SSBP3: variants seen among roughly 807,000 people sequenced by gnomAD.
SSBP3 encodes the protein single-stranded DNA-binding protein 3.
Under a neutral mutation model 69.6 loss-of-function variants are expected in SSBP3, and 5 were observed. That is an observed-to-expected ratio of 0.07 (90% CI 0.04 to 0.15). The LOEUF (loss-of-function observed/expected upper bound fraction) is 0.15. Among genes scored for constraint, SSBP3 ranks in the 10% least tolerant of loss-of-function variants. SSBP3 has a pLI of 1.00. For missense variants in SSBP3, 312 were observed against 534.0 expected, an observed-to-expected ratio of 0.58 and a Z score of 4.10; for synonymous variants, 196 against 193.4, an observed-to-expected ratio of 1.01 and a Z score of -0.11.
chr1:54,355,350 T>C lies in SSBP3; in HGVS notation c.276+46511A>G, dbSNP rs564057873. ...ACAGGGAGATCTCCCCCAAATTTATTTTACTTATTTATTTTTTGAGACAGG... is the reference window on the plus strand; with the variant it reads ...ACAGGGAGATCTCCCCCAAATTTATCTTACTTATTTATTTTTTGAGACAGG... On this transcript the variant is annotated intron_variant, in intron 4 of 17. Coordinates refer to ENST00000610401, the Ensembl canonical transcript of SSBP3. 8.9e-4 allele frequency among the ~76,000 whole-genome samples: 135 copies of C among 152,068 alleles called. 2 individuals carry two copies. Among genetic ancestry groups the C allele is most frequent in the African/African-American group, 3.3e-3 (135 of 41,456 alleles).
At chr1:54,383,076 AAAAG>A (rs1443647662) in intron 4 of SSBP3, among the ~76,000 whole-genome samples, 1 of 146,562 alleles carries the variant, frequency 6.8e-6, no homozygotes, top group East Asian at 2.1e-4. Context: ...GAAAAGAAAG[AAAAG>A]AAAGAAGCCC....
At chr1:54,241,086 C>T in intron 12 of SSBP3, 127 bp from the exon 13 acceptor site, 1 of 1,017,196 alleles carries the variant, frequency 9.8e-7, no homozygotes, top group Non-Finnish European at 1.4e-6. Flanking sequence ...CATCTTGCTA[C>T]ACCCCCAGCG....
At chr1:54,243,354 G>C (rs1644675844) in intron 9 of SSBP3, 55 bp from the exon 10 acceptor site, 1 of 1,599,218 alleles carries the variant, frequency 6.3e-7, no homozygotes, top group Non-Finnish European at 8.6e-7. Context: ...GAGACAGGAG[G>C]AGGGAGGAGA....
chr1:54,409,953 C>A (rs369434593), upstream of SSBP3, among the ~76,000 whole-genome samples: 1 of 152,200 alleles, frequency 6.6e-6, no homozygotes, highest in Non-Finnish European at 1.5e-5. Context: ...CCTGGGCAGG[C>A]AGCATCTCCT....
rs1570071828 is a variant in SSBP3, at chr1:54,403,679, G to GACAGGAGACAGGACACACC, written c.191+878_191+896dup. On this transcript the variant is annotated intron_variant, in intron 3 of 17. Coordinates refer to ENST00000610401, the Ensembl canonical transcript of SSBP3. ...CAGATAAACCCGCTAAGATCCCAAC[G>GACAGGAGACAGGACACACC]ACAGGAGACAGGACACACCGTTTTG... Among the ~76,000 whole-genome samples the GACAGGAGACAGGACACACC allele has an allele frequency of 2.0e-5, 3 of 152,198 alleles. No homozygotes were observed. The East Asian group carries it at 5.8e-4, about 29-fold the overall frequency.
At chr1:54,232,744 C>T (rs945840414) in intron 14 of SSBP3, among the ~76,000 whole-genome samples, 6 of 152,120 alleles carry the variant, frequency 3.9e-5, no homozygotes, top group East Asian at 1.9e-4. Flanking sequence ...AGGCACGCGC[C>T]GCCACGCCTG....
upstream of SSBP3, among the ~76,000 whole-genome samples, chr1:54,409,589 G>A (rs1016698082): frequency 1.3e-5 from 2 of 152,040 alleles, no homozygotes; most frequent in African/African-American, 4.8e-5. Context: ...CAACAATAGG[G>A]TTAGATAAGG....
At chr1:54,355,197 T>A (rs531481534) in intron 4 of SSBP3, among the ~76,000 whole-genome samples, 14 of 152,204 alleles carry the variant, frequency 9.2e-5, no homozygotes, top group Non-Finnish European at 1.9e-4. Context: ...GACCAGGCAC[T>A]CTCTGTCCTG....
At chr1:54,380,892 G>C (rs190791630) in intron 4 of SSBP3, among the ~76,000 whole-genome samples, 325 of 152,042 alleles carry the variant, frequency 2.1e-3, no homozygotes, top group African/African-American at 7.3e-3. Flanking sequence ...AGGCTGAAGC[G>C]GGACAACTGC....
chr1:54,241,492 T>C, exon 12 of SSBP3: 1 of 1,614,078 alleles, frequency 6.2e-7, no homozygotes, highest in Non-Finnish European at 8.5e-7. Flanking sequence ...TACCAGGTGA[T>C]GAGGAGGAGT....
At chr1:54,377,364 A>C (rs1487286806) in intron 4 of SSBP3, among the ~76,000 whole-genome samples, 2 of 152,224 alleles carry the variant, frequency 1.3e-5, no homozygotes, top group African/African-American at 4.8e-5. Flanking sequence ...CAGTGTGCTG[A>C]GTGCTGAGTG....
chr1:54,262,840 A>T lies in SSBP3; in HGVS notation c.367-4691T>A, dbSNP rs542358664. ...AGGACCAAGCCCTGGGGTAGACCTC[A>T]ACATGGGGGAAAATCCCCACTCCTG... is the stretch of plus-strand genomic sequence containing the variant. On this transcript the variant is annotated intron_variant, in intron 5 of 17. Transcript: ENST00000610401. Among the ~76,000 whole-genome samples the T allele has an allele frequency of 2.6e-4, 39 of 152,308 alleles. No homozygotes were observed. The East Asian group carries it at 5.6e-3, about 22-fold the overall frequency.
chr1:54,300,766 T>A (rs1009332503), intron 4 of SSBP3, among the ~76,000 whole-genome samples: 2 of 152,194 alleles, frequency 1.3e-5, no homozygotes, highest in Admixed American at 6.5e-5. Flanking sequence ...CTCCAAAATG[T>A]CCATTCCATG....
intron 4 of SSBP3, among the ~76,000 whole-genome samples, chr1:54,396,821 C>A (rs1648921726): frequency 6.6e-6 from 1 of 152,158 alleles, no homozygotes; most frequent in African/African-American, 2.4e-5. Context: ...CGCCCCACCT[C>A]CCGCCTTGAA....
chr1:54,387,025 C>T (rs753015131), intron 4 of SSBP3, among the ~76,000 whole-genome samples: 6 of 152,162 alleles, frequency 3.9e-5, no homozygotes, highest in Non-Finnish European at 7.3e-5. Flanking sequence ...TTTCCTCAGG[C>T]AGTCAGCAAA....
intron 9 of SSBP3, among the ~76,000 whole-genome samples, chr1:54,246,722 G>A (rs1369336722): frequency 2.0e-5 from 3 of 152,216 alleles, no homozygotes; most frequent in East Asian, 1.9e-4. Flanking sequence ...AGAGCCACTT[G>A]CACCTCATCA....
intron 4 of SSBP3, among the ~76,000 whole-genome samples, chr1:54,330,045 T>C (rs1300039240): frequency 6.6e-6 from 1 of 152,092 alleles, no homozygotes; most frequent in Non-Finnish European, 1.5e-5. Flanking sequence ...GTTATAAAAG[T>C]ATCCTGGTTG....
In SSBP3 at chr1:54,257,190, C is replaced by T; in HGVS notation, c.448-4G>A. On this transcript the variant is annotated splice_region_variant and splice_polypyrimidine_tract_variant and intron_variant, in intron 6 of 17. Transcript: ENST00000610401. ...CGTATCGCGGTGACATAAAAGGCTG[C>T]AATTATAGGTAATTAGTTCAATGAC... 6.3e-7 allele frequency: 1 copy of T among 1,595,724 alleles called. No individual in the cohort carries two copies.
intron 4 of SSBP3, among the ~76,000 whole-genome samples, chr1:54,306,421 G>C (rs1416046116): frequency 6.6e-6 from 1 of 152,170 alleles, no homozygotes; most frequent in Non-Finnish European, 1.5e-5. Context: ...CAAAGACTGG[G>C]TTATCTGAAA....
Sources: allele counts gnomAD v4.1 joint callset (sites outside exome capture counted in the v4.1 genomes callset), GRCh38; gene constraint gnomAD v4.1.1; transcripts MANE v1.5; gene names NCBI Gene and HGNC (gene_info 2026-07-23, HGNC 2026-07-21).